SRSF9: variants seen among roughly 807,000 people sequenced by gnomAD.
SRSF9 encodes the protein serine/arginine-rich splicing factor 9.
SRSF9 carries 3 observed loss-of-function variants against 25.9 expected under a neutral mutation model. The observed-to-expected ratio is 0.12, with a 90% CI of 0.05 to 0.30. The LOEUF (loss-of-function observed/expected upper bound fraction) is 0.30, where lower values mean the gene tolerates loss of function less well. Among genes scored for constraint, SRSF9 ranks in the 10% least tolerant of loss-of-function variants. SRSF9 has a pLI of 1.00. For missense variants in SRSF9, 161 were observed against 303.5 expected (o/e 0.53, Z 3.49); for synonymous variants, 114 against 113.2 (o/e 1.01, Z -0.05).
At chr12:120,462,751 T>G (rs10744752) in intron 3 of SRSF9, 43,922 of 151,946 alleles carry the variant, frequency 0.29, 6,683 homozygotes, top group East Asian at 0.5. Context: ...AGCAGAGGAG[T>G]CATGTCCAGG....
chr12:120,467,707 A>ATAGTTTTTCTAT (rs1334217809), intron 1 of SRSF9, among the ~76,000 whole-genome samples: 1 of 151,926 alleles, frequency 6.6e-6, no homozygotes, highest in Non-Finnish European at 1.5e-5. Context: ...ACACCAAAAG[A>ATAGTTTTTCTAT]TAGTTTTTCT....
chr12:120,466,210 T>C (rs137888263), intron 1 of SRSF9, among the ~76,000 whole-genome samples: 31 of 152,180 alleles, frequency 2.0e-4, no homozygotes, highest in Middle Eastern at 3.4e-3. Flanking sequence ...ATAAAGTCTA[T>C]GGAAATAAAA....
intron 1 of SRSF9, among the ~76,000 whole-genome samples, chr12:120,468,820 C>T (rs1878552761): frequency 6.6e-6 from 1 of 152,210 alleles, no homozygotes; most frequent in African/African-American, 2.4e-5. Context: ...AAGCCTCCCT[C>T]ATCAAAGGAG....
At chr12:120,462,284 G>T (rs895378267) in intron 3 of SRSF9, 122 bp from the exon 4 acceptor site, 1 of 1,030,868 alleles carries the variant, frequency 9.7e-7, no homozygotes, top group Non-Finnish European at 1.4e-6. Context: ...TCTGTGCCTG[G>T]CATGAGGCTA....
At chr12:120,463,734 C>A in intron 3 of SRSF9, 1 of 502,178 alleles carries the variant, frequency 2.0e-6, no homozygotes, top group Non-Finnish European at 3.5e-6. Flanking sequence ...CAGAATAAAG[C>A]ATATTAAAAA....
Position 120,463,980 on chromosome 12 carries a change from T to C in SRSF9, c.492A>G (p.Lys164=), listed in dbSNP as rs1417445286. 6.2e-7 allele frequency: 1 copy of C among 1,612,830 alleles called. No individual in the cohort carries two copies. The highest frequency in any genetic ancestry group is 1.7e-5 in the Admixed American group (1 of 59,828). ...RKEDMEYALR[K]LDDTKFRSHE... is the part of the protein sequence containing the mutation. ...GAGAGCGGAATTTGGTGTCATCCAG[T>C]TTACGCAGGGCATATTCCATGTCTT... Residue 164 remains lysine (K), a synonymous_variant, in exon 3 of 4, where the codon AAA becomes AAG. Coordinates refer to ENST00000229390, the MANE Select transcript of SRSF9 (RefSeq NM_003769.3).
In SRSF9 at chr12:120,469,621, G is replaced by T. The variant is rs780134754; in HGVS notation, c.-12C>A. ...GCCCAGCCCGACATCCGCACCGCCC[G>T]ACGCCGCGGGCCCGCCGCAGCCCAC... is the stretch of plus-strand genomic sequence containing the variant. On this transcript the variant is annotated 5_prime_UTR_variant, in exon 1 of 4. Coordinates refer to ENST00000229390, the MANE Select transcript of SRSF9 (RefSeq NM_003769.3). The T allele has an allele frequency of 2.9e-6, 4 of 1,398,028 alleles. No individual in the cohort carries two copies. In the South Asian group the frequency reaches 6.3e-5, roughly 22 times the overall value. The allele number at this position is 1,398,028 out of a possible 1,614,324, so 86.6% of individuals were successfully genotyped here.
intron 1 of SRSF9, among the ~76,000 whole-genome samples, chr12:120,466,691 T>G (rs894523719): frequency 6.6e-6 from 1 of 152,128 alleles, no homozygotes; most frequent in Non-Finnish European, 1.5e-5. Context: ...CGTGTACCAC[T>G]GCACCCAGCT....
chr12:120,461,953 G>A lies in SRSF9; in HGVS notation c.*66C>T. 1 of 1,426,498 alleles carries A rather than the reference G, an allele frequency of 7.0e-7. No homozygotes were observed. Among genetic ancestry groups the A allele is most frequent in the Non-Finnish European group, 9.3e-7 (1 of 1,074,742 alleles). 88.4% of individuals were successfully genotyped at this position (1,426,498 alleles called of 1,614,324 possible). A position where few individuals can be genotyped will look rare whatever the true frequency, so the allele number is the denominator to read the frequency against. Reference sequence around the variant, plus strand: ...AGACACTAAATCCTCAATCTGGAATGTAGATTCTGAGCACAAAGCAGCTCA... The same window carrying A: ...AGACACTAAATCCTCAATCTGGAATATAGATTCTGAGCACAAAGCAGCTCA... On this transcript the variant is annotated 3_prime_UTR_variant, in exon 4 of 4. Coordinates refer to ENST00000229390, the MANE Select transcript of SRSF9 (RefSeq NM_003769.3).
chr12:120,466,584 C>CT (rs1264746990), intron 1 of SRSF9, among the ~76,000 whole-genome samples: 1 of 151,968 alleles, frequency 6.6e-6, no homozygotes, highest in Non-Finnish European at 1.5e-5. Context: ...GTCACCAAGG[C>CT]TGAGTGCAGT....
At chr12:120,466,555 T>G (rs1878486090) in intron 1 of SRSF9, among the ~76,000 whole-genome samples, 1 of 152,010 alleles carries the variant, frequency 6.6e-6, no homozygotes, top group Non-Finnish European at 1.5e-5. Context: ...TTTTTTTTTT[T>G]GAAACGGGGT....
chr12:120,464,823 C>T (rs1001240612), intron 2 of SRSF9: 1 of 152,082 alleles, frequency 6.6e-6, no homozygotes, highest in African/African-American at 2.4e-5. Flanking sequence ...TAATAGTTTT[C>T]TAAGCAGGAT....
At chr12:120,466,968 A>G (rs891388294) in intron 1 of SRSF9, among the ~76,000 whole-genome samples, 1 of 152,226 alleles carries the variant, frequency 6.6e-6, no homozygotes, top group Admixed American at 6.5e-5. Flanking sequence ...GGACTCTAGG[A>G]GAGTCAGGAA....
chr12:120,468,964 C>A (rs1878560599), intron 1 of SRSF9, among the ~76,000 whole-genome samples: 1 of 151,958 alleles, frequency 6.6e-6, no homozygotes, highest in South Asian at 2.1e-4. Context: ...GATCCCTCCA[C>A]GACCTCCAGC....
chr12:120,464,889 T>G (rs762621530), intron 2 of SRSF9: 2 of 152,164 alleles, frequency 1.3e-5, no homozygotes, highest in Admixed American at 6.6e-5. Flanking sequence ...AAGGAGGGAA[T>G]AGAGTTCTGG....
intron 2 of SRSF9, 58 bp downstream of exon 2, chr12:120,465,569 C>T (rs772417817): frequency 1.3e-6 from 2 of 1,504,502 alleles, no homozygotes; most frequent in South Asian, 1.4e-5. Context: ...TCTTGGAAGA[C>T]AGACTCTGTG....
At chr12:120,464,423 C>T in intron 2 of SRSF9, 1 of 242,686 alleles carries the variant, frequency 4.1e-6, no homozygotes, top group East Asian at 8.0e-5. Flanking sequence ...TTTCTTTGTC[C>T]TTTAAAATCA....
chr12:120,465,581 T>G (rs1878464746), intron 2 of SRSF9, 46 bp downstream of exon 2: 1 of 1,532,660 alleles, frequency 6.5e-7, no homozygotes, highest in South Asian at 1.3e-5. Context: ...GACTCTGTGT[T>G]AAGTATTTTA....
At chr12:120,468,487 C>A (rs1046614693) in intron 1 of SRSF9, among the ~76,000 whole-genome samples, 2 of 152,184 alleles carry the variant, frequency 1.3e-5, no homozygotes, top group African/African-American at 4.8e-5. Context: ...ATCAACGCCT[C>A]GCGGTGCTTC....
Sources: gnomAD v4.1 joint callset for allele counts (sites outside exome capture counted in the v4.1 genomes callset) on GRCh38, gnomAD v4.1.1 for gene constraint, MANE v1.5 for transcripts, NCBI Gene and HGNC (gene_info 2026-07-23, HGNC 2026-07-21) for gene names.